CDS2: variants seen among roughly 807,000 people sequenced by gnomAD.
The protein encoded by CDS2 is CDP-diacylglycerol synthase 2.
Under a neutral mutation model 59.0 loss-of-function variants are expected in CDS2, and 47 were observed. That is an observed-to-expected ratio of 0.80 (90% confidence interval 0.63 to 1.02). CDS2 has a LOEUF of 1.02. Ranked by LOEUF, CDS2 falls within the 50% of genes least tolerant of loss-of-function variation. The pLI, the probability that CDS2 is intolerant of heterozygous loss-of-function variation, is 0.00. For synonymous variants in CDS2, 207 were observed against 206.4 expected, an observed-to-expected ratio of 1.00 and a Z score of -0.02; for missense variants, 356 against 558.9, an observed-to-expected ratio of 0.64 and a Z score of 3.66.
chr20:5,148,609 C>T, intron 1 of CDS2, among the ~76,000 whole-genome samples: 1 of 152,120 alleles, frequency 6.6e-6, no homozygotes. Flanking sequence ...TTATGGTGTC[C>T]CATAAATCTG....
chr20:5,171,898 C>T (rs2090958844), intron 1 of CDS2, among the ~76,000 whole-genome samples: 1 of 152,192 alleles, frequency 6.6e-6, no homozygotes, highest in Non-Finnish European at 1.5e-5. Context: ...AATGATGAGG[C>T]CGTCTTTATT....
intron 9 of CDS2, 123 bp downstream of exon 9, chr20:5,185,949 C>G: frequency 1.1e-6 from 1 of 931,196 alleles, no homozygotes; most frequent in Non-Finnish European, 1.7e-6. Context: ...GAATGGCAAC[C>G]TTGCCCTGAA....
intron 1 of CDS2, among the ~76,000 whole-genome samples, chr20:5,155,748 C>T (rs2090828783): frequency 6.6e-6 from 1 of 152,196 alleles, no homozygotes; most frequent in Admixed American, 6.5e-5. Context: ...ATAATATTCA[C>T]AGTTTCCAGG....
At chr20:5,170,858 A>G (rs1488113126) in intron 1 of CDS2, among the ~76,000 whole-genome samples, 2 of 152,276 alleles carry the variant, frequency 1.3e-5, no homozygotes, top group Admixed American at 6.5e-5. Context: ...AAATAGACGC[A>G]GTAAAAAATG....
intron 1 of CDS2, among the ~76,000 whole-genome samples, chr20:5,157,402 A>G (rs1452040645): frequency 5.9e-5 from 9 of 152,180 alleles, no homozygotes; most frequent in Admixed American, 5.9e-4. Context: ...GTGGAAAAAA[A>G]TCTGAGAGAA....
At chr20:5,132,065 C>T (rs1248713237) in intron 1 of CDS2, among the ~76,000 whole-genome samples, 1 of 151,846 alleles carries the variant, frequency 6.6e-6, no homozygotes, top group Non-Finnish European at 1.5e-5. Context: ...AAGGACTTAG[C>T]CTTCTATGAC....
chr20:5,157,534 T>G (rs1305523128), intron 1 of CDS2, among the ~76,000 whole-genome samples: 1 of 152,144 alleles, frequency 6.6e-6, no homozygotes, highest in African/African-American at 2.4e-5. Flanking sequence ...TTTGGGCTAC[T>G]ATAATGAAAC....
In CDS2 at chr20:5,186,688, T is replaced by C. The variant is rs758695298; in HGVS notation, c.830T>C (p.Leu277Pro). 15 of 1,614,120 alleles carry C rather than the reference T, an allele frequency of 9.3e-6. No homozygotes were observed. In the South Asian group the frequency reaches 1.6e-4, roughly 18 times the overall value. Residue 277 changes from leucine (L) to proline (P), a missense_variant and splice_region_variant, in exon 10 of 13, where the codon CTG becomes CCG. Leu to Pro is a moderately conservative substitution (Grantham distance 98, BLOSUM62 -3). Transcript: ENST00000460006. ...FFATVVFGLL[L>P]SYVMSGYRCF... ...GGTCTCTCTGTTATTCCTCCTCAGC[T>C]GTCCTATGTGATGTCCGGGTACAGA...
chr20:5,166,440 A>G (rs1010163880), intron 1 of CDS2, among the ~76,000 whole-genome samples: 1 of 152,036 alleles, frequency 6.6e-6, no homozygotes, highest in Non-Finnish European at 1.5e-5. Context: ...GGAGACATCT[A>G]GTAGTTATTT....
At chr20:5,188,405 A>G (rs1285504187) in intron 10 of CDS2, among the ~76,000 whole-genome samples, 2 of 152,230 alleles carry the variant, frequency 1.3e-5, no homozygotes, top group Non-Finnish European at 2.9e-5. Context: ...CTTTTCAACT[A>G]TGTATCTGCG....
At chr20:5,151,021 T>G (rs1403891759) in intron 1 of CDS2, among the ~76,000 whole-genome samples, 1 of 152,228 alleles carries the variant, frequency 6.6e-6, no homozygotes, top group East Asian at 1.9e-4. Flanking sequence ...CGTATGGTTG[T>G]CAGGAGGTTG....
chr20:5,142,429 A>G (rs2090702470), intron 1 of CDS2, among the ~76,000 whole-genome samples: 3 of 151,984 alleles, frequency 2.0e-5, no homozygotes, highest in Admixed American at 6.6e-5. Context: ...CCTGGGTAAC[A>G]GAGCAAGACT....
At chr20:5,151,386 A>C (rs1327988042) in intron 1 of CDS2, among the ~76,000 whole-genome samples, 1 of 152,224 alleles carries the variant, frequency 6.6e-6, no homozygotes, top group Admixed American at 6.5e-5. Flanking sequence ...GTTAGTAGAT[A>C]AAAATTAATG....
At position 5,130,661 on chromosome 20, in the gene CDS2, T is replaced by C. The variant is rs868811038; in HGVS notation, c.57+3512T>C. ...AGCCGGGCGTGGTGGTGCATGCCTG[T>C]AATCCCAGCTACTCAGGAGGCTGAG... On this transcript the variant is annotated intron_variant, in intron 1 of 12. Coordinates refer to ENST00000460006, the MANE Select transcript of CDS2 (RefSeq NM_003818.4). Among the ~76,000 whole-genome samples the C allele has an allele frequency of 1.9e-4, 29 of 152,162 alleles. No individual in the cohort carries two copies. The Middle Eastern group carries it at 0.01, about 54-fold the overall frequency.
chr20:5,180,838 C>T (rs558427783), intron 5 of CDS2, among the ~76,000 whole-genome samples: 55 of 152,202 alleles, frequency 3.6e-4, no homozygotes, highest in African/African-American at 1.3e-3. Flanking sequence ...AAGATCCATC[C>T]TCTGTAACTT....
In CDS2 at chr20:5,192,688, CCT is replaced by C. The variant is rs1421740542; in HGVS notation, c.*2455_*2456del. 4 of 152,048 alleles carry C rather than the reference CCT, an allele frequency of 2.6e-5. No individual in the cohort carries two copies. The highest frequency in any genetic ancestry group is 7.2e-5 in the African/African-American group (3 of 41,380). The allele number at this position is 152,048 out of a possible 1,614,324, so 9.4% of individuals were successfully genotyped here. A position where few individuals can be genotyped will look rare whatever the true frequency, so the allele number is the denominator to read the frequency against. ...GTGTGCCCTCCCTTGTCGTGAATTC[CCT>C]GTTTATCACTTCCATGCATGGTTTT... On this transcript the variant is annotated 3_prime_UTR_variant, in exon 13 of 13. Coordinates refer to ENST00000460006, the MANE Select transcript of CDS2 (RefSeq NM_003818.4).
chr20:5,182,316 A>G (rs1236231217), intron 5 of CDS2, 71 bp from the exon 6 acceptor site: 7 of 1,384,042 alleles, frequency 5.1e-6, no homozygotes, highest in Non-Finnish European at 6.0e-6. Context: ...ACCACTTAAC[A>G]TAGCTAAAGG....
At chr20:5,174,124 C>T (rs894821619) in intron 2 of CDS2, among the ~76,000 whole-genome samples, 39 of 152,210 alleles carry the variant, frequency 2.6e-4, no homozygotes, top group Admixed American at 2.4e-3. Context: ...TGGGAAACAT[C>T]TTAACCTAGG....
Position 5,190,705 on chromosome 20 carries a change from G to GC in CDS2, c.*472dup, listed in dbSNP as rs1159137938. 2.0e-5 allele frequency: 3 copies of GC among 152,120 alleles called. No homozygotes were observed. Among genetic ancestry groups the GC allele is most frequent in the African/African-American group, 7.2e-5 (3 of 41,388 alleles). 9.4% of individuals were successfully genotyped at this position (152,120 alleles called of 1,614,324 possible). ...TCTTTTCTAGAAATCCCTGCTTGGA[G>GC]CTGCAGAAGGGTTGCCTTCTGTAGG... is the stretch of plus-strand genomic sequence containing the variant. On this transcript the variant is annotated 3_prime_UTR_variant, in exon 13 of 13. Transcript: ENST00000460006.
Sources: allele counts gnomAD v4.1 joint callset (sites outside exome capture counted in the v4.1 genomes callset), GRCh38; gene constraint gnomAD v4.1.1; transcripts MANE v1.5; gene names NCBI Gene and HGNC (gene_info 2026-07-23, HGNC 2026-07-21).